The following IQCM variants were observed in gnomAD, a reference collection of about 807,000 sequenced individuals.
IQCM encodes IQ motif containing M.
In IQCM, 45 loss-of-function variants were observed where a neutral mutation model predicts 57.6. That is an observed-to-expected ratio of 0.78 (90% CI 0.62 to 1.00). The LOEUF is 1.00. Ranked by LOEUF, IQCM falls within the 50% of genes least tolerant of loss-of-function variation. The pLI, the probability that IQCM is intolerant of heterozygous loss-of-function variation, is 0.00. For synonymous variants in IQCM, 148 were observed against 158.9 expected (o/e 0.93, Z 0.51); for missense variants, 468 against 511.6 (o/e 0.91, Z 0.82).
At position 149,733,197 on chromosome 4, in the gene IQCM, T is replaced by C. The variant is rs2149888138; in HGVS notation, c.385+47A>G. 2.5e-6 allele frequency: 3 copies of C among 1,223,256 alleles called. No individual in the cohort carries two copies. In the East Asian group the frequency reaches 9.5e-5, roughly 39 times the overall value. 75.8% of individuals were successfully genotyped at this position (1,223,256 alleles called of 1,614,324 possible). A position where few individuals can be genotyped will look rare whatever the true frequency, so the allele number is the denominator to read the frequency against. ...TTACAGGCACATAAGAAACAAATAG[T>C]TTTGTCCGTGAGTTTGCTGAATTTC... On this transcript the variant is annotated intron_variant, in intron 5 of 13. Transcript: ENST00000636793.
At chr4:149,602,857 G>A (rs1455691574) in intron 8 of IQCM, among the ~76,000 whole-genome samples, 2 of 151,746 alleles carry the variant, frequency 1.3e-5, no homozygotes, top group African/African-American at 4.8e-5. Flanking sequence ...AATAGAAGAA[G>A]CAATAAAAAT....
At position 149,409,962 on chromosome 4, in the gene IQCM, G is replaced by A. The variant is rs1003946655; in HGVS notation, c.1390+23434C>T. 1.4e-4 allele frequency among the ~76,000 whole-genome samples: 22 copies of A among 152,292 alleles called. No homozygotes were observed. The Middle Eastern group carries it at 0.014, about 94-fold the overall frequency. ...GCACTTTGGCAGGCCAAGGCAGGTG[G>A]ATCACGAGATCAGGAGTTCAAGACC... On this transcript the variant is annotated intron_variant, in intron 13 of 13. Coordinates refer to ENST00000636793, the MANE Select transcript of IQCM (RefSeq NM_001363507.2).
At chr4:149,493,634 G>A (rs1742334249) in intron 12 of IQCM, among the ~76,000 whole-genome samples, 1 of 151,930 alleles carries the variant, frequency 6.6e-6, no homozygotes, top group African/African-American at 2.4e-5. Flanking sequence ...AGAAGGAGGG[G>A]GATTCTAATG....
chr4:149,422,897 G>A (rs1471473553), intron 13 of IQCM, among the ~76,000 whole-genome samples: 2 of 151,820 alleles, frequency 1.3e-5, no homozygotes, highest in East Asian at 3.9e-4. Context: ...AATAAAAAGT[G>A]GTTATATTAG....
At chr4:149,446,730 G>A (rs72724089) in intron 12 of IQCM, among the ~76,000 whole-genome samples, 32,785 of 151,298 alleles carry the variant, frequency 0.22, 4,456 homozygotes, top group Non-Finnish European at 0.29. Context: ...TCACCATGAA[G>A]CATTCCTTCA....
chr4:149,619,567 T>C (rs543847253), intron 8 of IQCM, among the ~76,000 whole-genome samples: 1 of 152,274 alleles, frequency 6.6e-6, no homozygotes, highest in African/African-American at 2.4e-5. Flanking sequence ...ATATGATATA[T>C]TAATAACTTA....
chr4:149,557,552 C>T (rs376449149), intron 10 of IQCM, among the ~76,000 whole-genome samples: 1 of 152,158 alleles, frequency 6.6e-6, no homozygotes, highest in East Asian at 1.9e-4. Flanking sequence ...TCTGTATTAC[C>T]TCAATCTCCT....
chr4:149,535,365 T>C (rs1277316958), intron 12 of IQCM, among the ~76,000 whole-genome samples: 1 of 152,072 alleles, frequency 6.6e-6, no homozygotes, highest in Non-Finnish European at 1.5e-5. Context: ...ATCAGAGACT[T>C]GTATGGCTAA....
intron 12 of IQCM, among the ~76,000 whole-genome samples, chr4:149,435,254 C>G (rs1487321670): frequency 1.3e-5 from 2 of 152,024 alleles, no homozygotes; most frequent in Non-Finnish European, 2.9e-5. Context: ...ACAGACAGAA[C>G]TGGGTTCTAA....
At chr4:149,372,434 T>C (rs1175948035) in intron 13 of IQCM, among the ~76,000 whole-genome samples, 1 of 152,084 alleles carries the variant, frequency 6.6e-6, no homozygotes, top group Non-Finnish European at 1.5e-5. Flanking sequence ...CATGTAGATA[T>C]GTGTAAACTT....
chr4:149,371,933 A>T (rs1730396207), intron 13 of IQCM, among the ~76,000 whole-genome samples: 1 of 152,082 alleles, frequency 6.6e-6, no homozygotes, highest in East Asian at 1.9e-4. Context: ...TCTCCATTTG[A>T]TACTTCTCAT....
chr4:149,407,625 A>G (rs373487375), intron 13 of IQCM, among the ~76,000 whole-genome samples: 17 of 152,210 alleles, frequency 1.1e-4, no homozygotes, highest in East Asian at 5.8e-4. Flanking sequence ...AGTTTCATCC[A>G]TGCTGCTGCA....
At chr4:149,558,005 G>T (rs1749752270) in intron 10 of IQCM, among the ~76,000 whole-genome samples, 1 of 152,140 alleles carries the variant, frequency 6.6e-6, no homozygotes, top group African/African-American at 2.4e-5. Context: ...CTATCTAGCA[G>T]CATTGGAGAC....
chr4:149,545,439 C>A (rs1171925309), intron 12 of IQCM, among the ~76,000 whole-genome samples: 3 of 151,920 alleles, frequency 2.0e-5, no homozygotes, highest in Non-Finnish European at 4.4e-5. Flanking sequence ...ATGCAAGGGG[C>A]CAACAGGTAG....
At chr4:149,646,952 C>T (rs1758693302) in intron 7 of IQCM, among the ~76,000 whole-genome samples, 1 of 152,132 alleles carries the variant, frequency 6.6e-6, no homozygotes, top group African/African-American at 2.4e-5. Flanking sequence ...CAACTGCACT[C>T]CAACCTGGGT....
intron 5 of IQCM, among the ~76,000 whole-genome samples, chr4:149,701,088 G>T (rs1763735364): frequency 6.6e-6 from 1 of 151,868 alleles, no homozygotes; most frequent in South Asian, 2.1e-4. Flanking sequence ...TACAAACTGA[G>T]GCTCAGAAAC....
At chr4:149,663,444 G>A (rs1760405678) in intron 7 of IQCM, among the ~76,000 whole-genome samples, 1 of 151,966 alleles carries the variant, frequency 6.6e-6, no homozygotes, top group Non-Finnish European at 1.5e-5. Flanking sequence ...GTTTACAGCT[G>A]TAATATTCCC....
chr4:149,628,732 A>G (rs1286952676), intron 7 of IQCM, among the ~76,000 whole-genome samples: 1 of 152,190 alleles, frequency 6.6e-6, no homozygotes, highest in Non-Finnish European at 1.5e-5. Flanking sequence ...ACTTGCATAC[A>G]AGTATATTCG....
chr4:149,640,282 G>T (rs949399334), intron 7 of IQCM, among the ~76,000 whole-genome samples: 2 of 152,258 alleles, frequency 1.3e-5, no homozygotes, highest in Non-Finnish European at 1.5e-5. Context: ...TGTATCCTTT[G>T]TGTTACAAAC....
Sources: gnomAD v4.1 joint callset for allele counts (sites outside exome capture counted in the v4.1 genomes callset) on GRCh38, gnomAD v4.1.1 for gene constraint, MANE v1.5 for transcripts, NCBI Gene and HGNC (gene_info 2026-07-23, HGNC 2026-07-21) for gene names.